Variants in COL25A1 observed in about 807,000 individuals in gnomAD.
COL25A1 encodes collagen type XXV alpha 1 chain.
COL25A1 carries 103 observed loss-of-function variants against 128.4 expected under a neutral mutation model. The observed-to-expected ratio is 0.80, with a 90% CI of 0.68 to 0.94. The LOEUF (loss-of-function observed/expected upper bound fraction) is 0.94, where lower values mean the gene tolerates loss of function less well. Ranked by LOEUF, COL25A1 falls within the 40% of genes least tolerant of loss-of-function variation. The pLI, the probability that COL25A1 is intolerant of heterozygous loss-of-function variation, is 0.00. For synonymous variants in COL25A1, 279 were observed against 277.2 expected (o/e 1.01, Z -0.06); for missense variants, 745 against 840.0 (o/e 0.89, Z 1.40).
intron 3 of COL25A1, among the ~76,000 whole-genome samples, chr4:109,246,015 G>GC (rs1780236355): frequency 3.1e-5 from 1 of 32,050 alleles, no homozygotes; most frequent in Non-Finnish European, 6.0e-5. Flanking sequence ...TTGTTAAAAA[G>GC]CAAAAAAAAA....
In COL25A1 at chr4:108,968,108, T is replaced by C. The variant is rs79346325; in HGVS notation, c.492+6259A>G. Reference sequence around the variant, plus strand: ...ATCAAGGCGGGAAGTACAATTCTTATGTCAGGATGCATTCATTTGTGGAAA... The same window carrying C: ...ATCAAGGCGGGAAGTACAATTCTTACGTCAGGATGCATTCATTTGTGGAAA... On this transcript the variant is annotated intron_variant, in intron 8 of 37. Coordinates refer to ENST00000399132, the MANE Select transcript of COL25A1 (RefSeq NM_198721.4). Among the ~76,000 whole-genome samples, 717 of 152,304 alleles carry C rather than the reference T, an allele frequency of 4.7e-3. 15 individuals are homozygous for C. The East Asian group carries it at 0.063, about 13-fold the overall frequency.
At chr4:108,821,519 G>A (rs1288677999) in intron 35 of COL25A1, among the ~76,000 whole-genome samples, 3 of 152,186 alleles carry the variant, frequency 2.0e-5, no homozygotes, top group Admixed American at 1.3e-4. Context: ...TCACATAGGT[G>A]TGTCTGAGAC....
intron 3 of COL25A1, among the ~76,000 whole-genome samples, chr4:109,231,479 A>T (rs2126220826): frequency 6.6e-6 from 1 of 152,340 alleles, no homozygotes; most frequent in Middle Eastern, 3.4e-3. Flanking sequence ...TGTATTATAT[A>T]TCAAAGAAGG....
chr4:108,818,900 G>C (rs1731502251), intron 36 of COL25A1, among the ~76,000 whole-genome samples: 1 of 151,490 alleles, frequency 6.6e-6, no homozygotes, highest in Non-Finnish European at 1.5e-5. Context: ...GTCAAACTTA[G>C]GTGGAAAACC....
intron 6 of COL25A1, among the ~76,000 whole-genome samples, chr4:108,988,568 T>A (rs1010370442): frequency 6.6e-6 from 1 of 152,206 alleles, no homozygotes; most frequent in East Asian, 1.9e-4. Context: ...ATGAAATGTT[T>A]TTCTCATATC....
intron 3 of COL25A1, among the ~76,000 whole-genome samples, chr4:109,293,319 T>C (rs973164843): frequency 6.6e-5 from 10 of 152,066 alleles, no homozygotes; most frequent in Non-Finnish European, 1.2e-4. Flanking sequence ...TAAAGAAATA[T>C]GATTCTGAGA....
intron 10 of COL25A1, among the ~76,000 whole-genome samples, chr4:108,940,177 C>T (rs1011488026): frequency 2.0e-5 from 3 of 152,114 alleles, no homozygotes; most frequent in Non-Finnish European, 2.9e-5. Context: ...AACCAAAGGC[C>T]CCGGTGCACA....
chr4:108,930,332 T>C (rs1245527737), intron 11 of COL25A1, among the ~76,000 whole-genome samples: 2 of 152,126 alleles, frequency 1.3e-5, no homozygotes, highest in Non-Finnish European at 2.9e-5. Context: ...TCTCTATACA[T>C]ACCCTCCACC....
chr4:109,065,581 TGCAGGTGCATGCAC>T (rs1762379506), intron 3 of COL25A1, among the ~76,000 whole-genome samples: 1 of 148,096 alleles, frequency 6.8e-6, no homozygotes, highest in South Asian at 2.1e-4. Flanking sequence ...TGTGTGTGTG[TGCAGGTGCATGCAC>T]GTGTGTTTAA....
Position 109,062,653 on chromosome 4 carries a change from T to C in COL25A1, c.368-12474A>G, listed in dbSNP as rs79523704. Among the ~76,000 whole-genome samples, 614 of 152,262 alleles carry C rather than the reference T, an allele frequency of 4.0e-3. 4 individuals carry two copies. Among genetic ancestry groups the C allele is most frequent in the African/African-American group, 0.014 (595 of 41,576 alleles). ...TCATATCCATATTTAAGAACAAAAA[T>C]GAGGAAATTAGGATCTTAATCCACT... On this transcript the variant is annotated intron_variant, in intron 3 of 37. Transcript: ENST00000399132.
At chr4:108,859,586 T>C in intron 24 of COL25A1, 70 bp downstream of exon 24, 1 of 1,308,692 alleles carries the variant, frequency 7.6e-7, no homozygotes, top group Non-Finnish European at 1.1e-6. Flanking sequence ...AAGCTCATAT[T>C]TGCACACATT....
chr4:108,855,253 G>C (rs1266682877), intron 24 of COL25A1, among the ~76,000 whole-genome samples: 1 of 147,820 alleles, frequency 6.8e-6, no homozygotes, highest in East Asian at 2.0e-4. Flanking sequence ...TGGGGGCAAG[G>C]TTATAAGAAA....
chr4:109,239,408 A>ATT (rs1409728923), intron 3 of COL25A1, among the ~76,000 whole-genome samples: 32 of 133,962 alleles, frequency 2.4e-4, no homozygotes, highest in African/African-American at 8.5e-4. Context: ...ATATATATAT[A>ATT]TATATATATA....
chr4:108,985,331 C>T (rs1037767209), intron 6 of COL25A1, among the ~76,000 whole-genome samples: 1 of 152,196 alleles, frequency 6.6e-6, no homozygotes, highest in Non-Finnish European at 1.5e-5. Context: ...CCATGCTCTT[C>T]GAACATGTTC....
intron 3 of COL25A1, among the ~76,000 whole-genome samples, chr4:109,089,599 T>C: frequency 6.6e-6 from 1 of 152,290 alleles, no homozygotes; most frequent in East Asian, 1.9e-4. Context: ...CACTTGAGTA[T>C]ATTTTTTAAA....
intron 3 of COL25A1, among the ~76,000 whole-genome samples, chr4:109,063,043 A>G (rs1762108350): frequency 6.6e-6 from 1 of 152,236 alleles, no homozygotes; most frequent in Non-Finnish European, 1.5e-5. Context: ...GGCCTCATGA[A>G]TTTGTGAGAG....
intron 3 of COL25A1, among the ~76,000 whole-genome samples, chr4:109,058,969 C>T (rs911527917): frequency 2.0e-5 from 3 of 152,106 alleles, no homozygotes; most frequent in East Asian, 1.9e-4. Flanking sequence ...GAGAGGGTAA[C>T]GCAGAAGTCT....
At chr4:109,247,136 G>T (rs6849377) in intron 3 of COL25A1, among the ~76,000 whole-genome samples, 7,047 of 152,242 alleles carry the variant, frequency 0.046, 315 homozygotes, top group African/African-American at 0.11. Context: ...GGCCGAGGCG[G>T]GTGGATCACC....
At chr4:109,188,300 G>T (rs12508695) in intron 3 of COL25A1, among the ~76,000 whole-genome samples, 12,685 of 152,192 alleles carry the variant, frequency 0.083, 908 homozygotes, top group East Asian at 0.25. Flanking sequence ...GAGCTAGAAG[G>T]AAACAACTGG....
Sources: gnomAD v4.1 joint callset for allele counts (sites outside exome capture counted in the v4.1 genomes callset) on GRCh38, gnomAD v4.1.1 for gene constraint, MANE v1.5 for transcripts, NCBI Gene and HGNC (gene_info 2026-07-23, HGNC 2026-07-21) for gene names.